The following AP3B1 variants were observed in gnomAD, a reference collection of about 807,000 sequenced individuals.
AP3B1 encodes the protein adaptor related protein complex 3 subunit beta 1.
AP3B1 carries 61 observed loss-of-function variants against 132.5 expected under a neutral mutation model. The ratio of observed to expected loss-of-function variants is 0.46; its 90% CI spans 0.37 to 0.57. The LOEUF (loss-of-function observed/expected upper bound fraction) is 0.57. AP3B1 is among the 20% of genes least tolerant of loss of function. The probability of loss-of-function intolerance (pLI) is 0.00; values close to 1 mark genes in which losing one functional copy is unlikely to be tolerated. For synonymous variants in AP3B1, 388 were observed against 438.3 expected (o/e 0.89, Z 1.43); for missense variants, 1,120 against 1,289.4 (o/e 0.87, Z 2.01).
chr5:78,008,421 C>G lies in AP3B1; in HGVS notation c.3132-5366G>C, dbSNP rs117433204. 2.2e-4 allele frequency among the ~76,000 whole-genome samples: 33 copies of G among 152,224 alleles called. No individual in the cohort carries two copies. In the East Asian group the frequency reaches 5.8e-3, roughly 27 times the overall value. On this transcript the variant is annotated intron_variant, in intron 26 of 26. Transcript: ENST00000255194. The stretch of plus-strand genomic sequence containing the variant: ...TGTTTTAAAGTAAAAATCAGCTGTG[C>G]AGTTTGGTTACTTCTGAAATATCCA...
intron 7 of AP3B1, among the ~76,000 whole-genome samples, chr5:78,199,540 T>C (rs1745207807): frequency 6.6e-6 from 1 of 152,180 alleles, no homozygotes; most frequent in Non-Finnish European, 1.5e-5. Flanking sequence ...TGATTCCTCA[T>C]GTATTCATTC....
Position 78,269,827 on chromosome 5 carries a change from A to C in AP3B1, c.129-2232T>G, listed in dbSNP as rs1280716352. Among the ~76,000 whole-genome samples, 3 of 152,298 alleles carry C rather than the reference A, an allele frequency of 2.0e-5. No homozygotes were observed. In the East Asian group the frequency reaches 5.8e-4, roughly 29 times the overall value. Reference sequence around the variant, plus strand: ...AATTTGACAATGTAATTTTATGTTTATTGAGTCTAATTTAAAAAGTGGGGC... The same window carrying C: ...AATTTGACAATGTAATTTTATGTTTCTTGAGTCTAATTTAAAAAGTGGGGC... On this transcript the variant is annotated intron_variant, in intron 1 of 26. Transcript: ENST00000255194.
chr5:78,134,977 A>C (rs575145004), intron 15 of AP3B1, among the ~76,000 whole-genome samples: 2 of 152,288 alleles, frequency 1.3e-5, no homozygotes, highest in African/African-American at 4.8e-5. Context: ...TATTATATTT[A>C]CTTGAGTTTT....
chr5:78,157,895 C>T (rs1470868550), intron 13 of AP3B1, among the ~76,000 whole-genome samples: 1 of 151,882 alleles, frequency 6.6e-6, no homozygotes, highest in Non-Finnish European at 1.5e-5. Flanking sequence ...GATTTACAGG[C>T]GCGCGCCACC....
chr5:78,150,741 G>A (rs919280455), intron 14 of AP3B1, among the ~76,000 whole-genome samples: 3 of 152,018 alleles, frequency 2.0e-5, no homozygotes, highest in Non-Finnish European at 4.4e-5. Context: ...GTAAGTGATG[G>A]AGTTGGAACT....
chr5:78,247,377 T>C (rs1043342148), intron 2 of AP3B1, among the ~76,000 whole-genome samples: 4 of 150,960 alleles, frequency 2.6e-5, no homozygotes, highest in Non-Finnish European at 4.4e-5. Flanking sequence ...TTAGGTCATA[T>C]AAGTTGATAT....
chr5:78,010,388 A>C (rs896111723), intron 26 of AP3B1, among the ~76,000 whole-genome samples: 1 of 152,286 alleles, frequency 6.6e-6, no homozygotes, highest in South Asian at 2.1e-4. Flanking sequence ...TCTTTCTCAG[A>C]TTTACTGAAG....
intron 20 of AP3B1, 119 bp from the exon 21 acceptor site, chr5:78,101,144 C>A: frequency 1.6e-6 from 1 of 622,562 alleles, no homozygotes; most frequent in South Asian, 2.0e-5. Context: ...ACAAATTAAA[C>A]TTCTGTATGG....
At chr5:78,039,377 A>G in intron 22 of AP3B1, 103 bp from the exon 23 acceptor site, 1 of 889,548 alleles carries the variant, frequency 1.1e-6, no homozygotes, top group Non-Finnish European at 1.8e-6. Flanking sequence ...GTTCCCCTAC[A>G]GTATTATATG....
In AP3B1 at chr5:78,171,776, T is replaced by C. The variant is rs192836009; in HGVS notation, c.1167+3850A>G. ...CCTGGCCAGAACTGCCAACACCACG[T>C]TGAGTAGGAGTGGTGAGAGAGGGCA... On this transcript the variant is annotated intron_variant, in intron 11 of 26. Transcript: ENST00000255194. Among the ~76,000 whole-genome samples, 27 of 152,260 alleles carry C rather than the reference T, an allele frequency of 1.8e-4. 1 individual carries two copies. The highest frequency in any genetic ancestry group is 1.7e-3 in the South Asian group (8 of 4,826).
intron 13 of AP3B1, among the ~76,000 whole-genome samples, chr5:78,159,652 C>T (rs1296078691): frequency 6.6e-6 from 1 of 152,184 alleles, no homozygotes; most frequent in East Asian, 1.9e-4. Context: ...ACATAATCTC[C>T]CCATCTATAG....
At chr5:78,088,303 A>C (rs1439130049) in intron 22 of AP3B1, among the ~76,000 whole-genome samples, 2 of 152,204 alleles carry the variant, frequency 1.3e-5, no homozygotes, top group East Asian at 1.9e-4. Flanking sequence ...GGCAAATTAA[A>C]ATCACAAATA....
At chr5:78,096,244 C>T (rs999682159) in intron 21 of AP3B1, among the ~76,000 whole-genome samples, 1 of 152,338 alleles carries the variant, frequency 6.6e-6, no homozygotes, top group South Asian at 2.1e-4. Flanking sequence ...AGCTCCTAAC[C>T]GCGAGTGATC....
At chr5:78,236,307 A>G (rs1358776717) in intron 3 of AP3B1, among the ~76,000 whole-genome samples, 1 of 152,072 alleles carries the variant, frequency 6.6e-6, no homozygotes, top group Non-Finnish European at 1.5e-5. Context: ...CTACTTTACC[A>G]CCAATTTCTA....
chr5:78,037,018 A>C (rs1747835714), intron 23 of AP3B1, among the ~76,000 whole-genome samples: 1 of 152,210 alleles, frequency 6.6e-6, no homozygotes. Context: ...CAAATGAATG[A>C]AACATACAGT....
chr5:78,063,298 T>C (rs1037515610), intron 22 of AP3B1, among the ~76,000 whole-genome samples: 3 of 152,244 alleles, frequency 2.0e-5, no homozygotes, highest in East Asian at 1.9e-4. Flanking sequence ...TCGGTGCTTA[T>C]AGTTTTGCAT....
chr5:78,158,211 A>C (rs1044230979), intron 13 of AP3B1, among the ~76,000 whole-genome samples: 1 of 152,152 alleles, frequency 6.6e-6, no homozygotes, highest in Admixed American at 6.5e-5. Flanking sequence ...GTGGCTCAGC[A>C]CTTTCGGAGG....
chr5:78,168,013 G>GAAAAAAA, intron 11 of AP3B1, among the ~76,000 whole-genome samples: 1 of 110,792 alleles, frequency 9.0e-6, no homozygotes, highest in Non-Finnish European at 1.8e-5. Context: ...AAAACCTACT[G>GAAAAAAA]AAAAAAAAAA....
At chr5:78,050,251 A>G (rs1748522987) in intron 22 of AP3B1, among the ~76,000 whole-genome samples, 1 of 152,104 alleles carries the variant, frequency 6.6e-6, no homozygotes, top group African/African-American at 2.4e-5. Context: ...TTTTTTATAG[A>G]CACTTAATAC....
Sources: allele counts gnomAD v4.1 joint callset (sites outside exome capture counted in the v4.1 genomes callset), GRCh38; gene constraint gnomAD v4.1.1; transcripts MANE v1.5; gene names NCBI Gene and HGNC (gene_info 2026-07-23, HGNC 2026-07-21).